The following ZCCHC7 variants were observed in gnomAD, a reference collection of about 807,000 sequenced individuals.
ZCCHC7 encodes the protein zinc finger CCHC-type containing 7, also known as zinc finger CCHC domain-containing protein 7.
Under a neutral mutation model 52.0 loss-of-function variants are expected in ZCCHC7, and 35 were observed. The ratio of observed to expected loss-of-function variants is 0.67; its 90% CI spans 0.51 to 0.89. The LOEUF is 0.89. Among genes scored for constraint, ZCCHC7 ranks in the 40% least tolerant of loss-of-function variants. The pLI is 0.00. For synonymous variants in ZCCHC7, 217 were observed against 221.5 expected, an observed-to-expected ratio of 0.98 and a Z score of 0.18; for missense variants, 574 against 649.1, an observed-to-expected ratio of 0.88 and a Z score of 1.26.
chr9:37,176,054 TTTTG>T (rs144557198), intron 2 of ZCCHC7, among the ~76,000 whole-genome samples: 23,233 of 151,660 alleles, frequency 0.15, 1,939 homozygotes, highest in Non-Finnish European at 0.18. Context: ...CCTCATTTGT[TTTTG>T]TTTGTTTGTT....
At chr9:37,138,430 C>G (rs1843086321) in intron 2 of ZCCHC7, among the ~76,000 whole-genome samples, 1 of 152,122 alleles carries the variant, frequency 6.6e-6, no homozygotes, top group Admixed American at 6.5e-5. Flanking sequence ...AGATCAGCAA[C>G]ATAGGGAGGC....
intron 2 of ZCCHC7, among the ~76,000 whole-genome samples, chr9:37,186,060 C>T (rs933277310): frequency 5.3e-5 from 8 of 151,982 alleles, no homozygotes; most frequent in African/African-American, 1.9e-4. Flanking sequence ...TCTCATTATT[C>T]AGTAAACCTG....
At chr9:37,251,144 CCAAG>C (rs1006131235) in intron 2 of ZCCHC7, among the ~76,000 whole-genome samples, 3 of 152,064 alleles carry the variant, frequency 2.0e-5, no homozygotes, top group African/African-American at 7.2e-5. Context: ...GTTCAGTAAG[CCAAG>C]CAACCTTTCT....
intron 2 of ZCCHC7, among the ~76,000 whole-genome samples, chr9:37,291,232 T>C (rs1828521263): frequency 6.6e-6 from 1 of 152,232 alleles, no homozygotes; most frequent in East Asian, 1.9e-4. Flanking sequence ...ACACGTAGTC[T>C]AGGTACTAGA....
chr9:37,175,991 G>C (rs1822002985), intron 2 of ZCCHC7, among the ~76,000 whole-genome samples: 1 of 152,172 alleles, frequency 6.6e-6, no homozygotes, highest in Admixed American at 6.5e-5. Flanking sequence ...CAAGAAATTA[G>C]TGTAATGGTT....
intron 2 of ZCCHC7, among the ~76,000 whole-genome samples, chr9:37,228,263 T>C (rs1005342782): frequency 5.3e-5 from 8 of 152,204 alleles, no homozygotes; most frequent in Admixed American, 4.6e-4. Flanking sequence ...GAAGGAACCC[T>C]TTGGAGGCAT....
intron 2 of ZCCHC7, among the ~76,000 whole-genome samples, chr9:37,186,449 A>T (rs1037723239): frequency 2.0e-5 from 3 of 152,202 alleles, no homozygotes; most frequent in Non-Finnish European, 4.4e-5. Flanking sequence ...GGGTGTTATG[A>T]AAATGTAAAG....
chr9:37,342,830 A>G (rs765197205), intron 6 of ZCCHC7, among the ~76,000 whole-genome samples: 3 of 152,250 alleles, frequency 2.0e-5, no homozygotes, highest in Non-Finnish European at 4.4e-5. Flanking sequence ...TAACTTGACT[A>G]AGGTCACATA....
At chr9:37,151,701 A>G (rs1221714792) in intron 2 of ZCCHC7, among the ~76,000 whole-genome samples, 2 of 152,044 alleles carry the variant, frequency 1.3e-5, no homozygotes, top group African/African-American at 4.8e-5. Flanking sequence ...GCTACTTGGG[A>G]GCCTGGGGCA....
intron 2 of ZCCHC7, among the ~76,000 whole-genome samples, chr9:37,188,079 A>T (rs1822760410): frequency 6.6e-6 from 1 of 152,092 alleles, no homozygotes; most frequent in African/African-American, 2.4e-5. Context: ...CCCTTCTGGA[A>T]CTTGAGGAAA....
intron 5 of ZCCHC7, among the ~76,000 whole-genome samples, chr9:37,311,036 AC>A (rs368534375): frequency 2.7e-3 from 411 of 152,050 alleles, no homozygotes; most frequent in African/African-American, 9.2e-3. Flanking sequence ...AATAAATTTT[AC>A]CTTAGGTTGT....
At chr9:37,138,487 G>A (rs758549491) in intron 2 of ZCCHC7, among the ~76,000 whole-genome samples, 99 of 152,102 alleles carry the variant, frequency 6.5e-4, no homozygotes, top group Non-Finnish European at 1.3e-3. Context: ...TTCATTTACA[G>A]TTTTCTTTTC....
chr9:37,124,888 G>T (rs1335274970), intron 1 of ZCCHC7, among the ~76,000 whole-genome samples: 2 of 152,170 alleles, frequency 1.3e-5, no homozygotes, highest in Middle Eastern at 3.2e-3. Context: ...AGTCTGCTCT[G>T]TTGCCCAGGG....
At position 37,345,300 on chromosome 9, in the gene ZCCHC7, G is replaced by A. The variant is rs150149557; in HGVS notation, c.988-4057G>A. On this transcript the variant is annotated intron_variant, in intron 6 of 8. Transcript: ENST00000336755. ...GCTTGTGGCTGCAATTTGATGTCACGTCAAATAATATAGCTGTCTTTGTGG... is the reference window on the plus strand; with the variant it reads ...GCTTGTGGCTGCAATTTGATGTCACATCAAATAATATAGCTGTCTTTGTGG... Among the ~76,000 whole-genome samples the A allele has an allele frequency of 8.1e-4, 123 of 152,206 alleles. 1 individual carries two copies. The highest frequency in any genetic ancestry group is 2.8e-3 in the African/African-American group (115 of 41,520).
intron 4 of ZCCHC7, among the ~76,000 whole-genome samples, chr9:37,305,209 T>G (rs968592917): frequency 3.3e-4 from 50 of 152,210 alleles, no homozygotes; most frequent in African/African-American, 1.1e-3. Flanking sequence ...TCAAAACAGC[T>G]TCTTCTGTAT....
intron 5 of ZCCHC7, among the ~76,000 whole-genome samples, chr9:37,310,717 A>G (rs1829552934): frequency 6.6e-6 from 1 of 152,298 alleles, no homozygotes; most frequent in South Asian, 2.1e-4. Flanking sequence ...TGCAGATATT[A>G]TAGCTCTAAT....
intron 5 of ZCCHC7, among the ~76,000 whole-genome samples, chr9:37,323,541 A>G (rs1830130414): frequency 6.6e-6 from 1 of 152,212 alleles, no homozygotes; most frequent in Admixed American, 6.5e-5. Flanking sequence ...TAAAAAAATT[A>G]TGTAGATTTT....
At chr9:37,184,212 G>A (rs1208739945) in intron 2 of ZCCHC7, among the ~76,000 whole-genome samples, 2 of 152,214 alleles carry the variant, frequency 1.3e-5, no homozygotes, top group East Asian at 3.9e-4. Flanking sequence ...GTCATACTTT[G>A]TTATGGAGCA....
chr9:37,253,979 A>C (rs1826454295), intron 2 of ZCCHC7, among the ~76,000 whole-genome samples: 1 of 151,990 alleles, frequency 6.6e-6, no homozygotes, highest in South Asian at 2.1e-4. Flanking sequence ...ATTTTTCTTT[A>C]ACGTGAACCA....
Sources: allele counts gnomAD v4.1 joint callset (sites outside exome capture counted in the v4.1 genomes callset), GRCh38; gene constraint gnomAD v4.1.1; transcripts MANE v1.5; gene names NCBI Gene and HGNC (gene_info 2026-07-23, HGNC 2026-07-21).